KLHL8: variants seen among roughly 807,000 people sequenced by gnomAD.
The protein encoded by KLHL8 is kelch like family member 8, also known as kelch-like protein 8.
In KLHL8, 38 loss-of-function variants were observed where a neutral mutation model predicts 63.5. That is an observed-to-expected ratio of 0.60 (90% CI 0.46 to 0.78). KLHL8 has a LOEUF of 0.78. KLHL8 is among the 30% of genes least tolerant of loss of function. The probability of loss-of-function intolerance (pLI) is 0.00; values close to 1 mark genes in which losing one functional copy is unlikely to be tolerated. For missense variants in KLHL8, 566 were observed against 752.4 expected (o/e 0.75, Z 2.90); for synonymous variants, 224 against 254.3 (o/e 0.88, Z 1.13).
intron 1 of KLHL8, among the ~76,000 whole-genome samples, chr4:87,232,901 T>C (rs1177969959): frequency 6.6e-6 from 1 of 151,888 alleles, no homozygotes; most frequent in Non-Finnish European, 1.5e-5. Flanking sequence ...TTCCAATTAG[T>C]TTTTTTTAGG....
At chr4:87,226,617 A>AAGT (rs1732982429) in intron 1 of KLHL8, among the ~76,000 whole-genome samples, 3 of 50,608 alleles carry the variant, frequency 5.9e-5, no homozygotes, top group African/African-American at 3.2e-4. Context: ...TTATTTATAT[A>AAGT]AATAATATAT....
chr4:87,174,485 G>T (rs1207014222), intron 6 of KLHL8, among the ~76,000 whole-genome samples: 3 of 151,992 alleles, frequency 2.0e-5, no homozygotes, highest in Non-Finnish European at 4.4e-5. Context: ...TGCCATGTTG[G>T]CCAGGCTGGT....
chr4:87,161,997 T>C lies in KLHL8; in HGVS notation c.*1522A>G, dbSNP rs2149822081. 6.6e-6 allele frequency: 1 copy of C among 152,322 alleles called. No individual in the cohort carries two copies. The highest frequency in any genetic ancestry group is 1.5e-5 in the Non-Finnish European group (1 of 68,040). The allele number at this position is 152,322 out of a possible 1,614,324, so 9.4% of individuals were successfully genotyped here. On this transcript the variant is annotated 3_prime_UTR_variant, in exon 10 of 10. Coordinates refer to ENST00000273963, the MANE Select transcript of KLHL8 (RefSeq NM_020803.5). ...TTGTGATGTGGCTTTTTTTGTGATG[T>C]GGCTTTCCACACTATTGTAGAAGTC...
chr4:87,229,784 G>T (rs1733103398), intron 1 of KLHL8, among the ~76,000 whole-genome samples: 1 of 149,262 alleles, frequency 6.7e-6, no homozygotes, highest in Non-Finnish European at 1.5e-5. Flanking sequence ...AGGCTGGAGT[G>T]CAGTGGCACA....
At chr4:87,222,893 T>A (rs1732910364), upstream of KLHL8, among the ~76,000 whole-genome samples, 1 of 152,074 alleles carries the variant, frequency 6.6e-6, no homozygotes, top group African/African-American at 2.4e-5. Context: ...CTACAATATG[T>A]ATTTAGTAAG....
Position 87,170,235 on chromosome 4 carries a change from G to A in KLHL8, c.1381C>T (p.His461Tyr). 6.2e-7 allele frequency: 1 copy of A among 1,605,766 alleles called. No homozygotes were observed. The highest frequency in any genetic ancestry group is 8.5e-7 in the Non-Finnish European group (1 of 1,176,992). Residue 461 changes from histidine to tyrosine, a missense_variant, in exon 8 of 10, where the codon CAT becomes TAT. By Grantham distance (83) the His-to-Tyr change is moderately conservative (BLOSUM62 2). Coordinates refer to ENST00000273963, the MANE Select transcript of KLHL8 (RefSeq NM_020803.5). ...GGVGSVALVN[H>Y]VYAVGGNDGM... The stretch of plus-strand genomic sequence containing the variant: ...TCATTGCCACCTACTGCATAAACAT[G>A]GTTCTAAATGAAGAGAGTCAAACAA...
In KLHL8 at chr4:87,195,669, G is replaced by T; in HGVS notation, c.-130C>A. 1.5e-6 allele frequency: 1 copy of T among 686,246 alleles called. No individual in the cohort carries two copies. Among genetic ancestry groups the T allele is most frequent in the Non-Finnish European group, 2.5e-6 (1 of 404,710 alleles). The allele number at this position is 686,246 out of a possible 1,614,324, so 42.5% of individuals were successfully genotyped here. A position where few individuals can be genotyped will look rare whatever the true frequency, so the allele number is the denominator to read the frequency against. ...GACGTTTTTCAAAACCCACTCAACT[G>T]CCATTGTACAGTTTGCTGTGACTGA... On this transcript the variant is annotated 5_prime_UTR_variant, in exon 2 of 10. Transcript: ENST00000273963.
intron 1 of KLHL8, among the ~76,000 whole-genome samples, chr4:87,236,023 T>C (rs1282089041): frequency 6.6e-6 from 1 of 152,106 alleles, no homozygotes; most frequent in African/African-American, 2.4e-5. Context: ...TGCCTCCAAG[T>C]TGGTAGAAAT....
At chr4:87,230,760 ATCT>A (rs1242834702) in intron 1 of KLHL8, among the ~76,000 whole-genome samples, 1 of 152,134 alleles carries the variant, frequency 6.6e-6, no homozygotes, top group Admixed American at 6.5e-5. Context: ...CAGAATTGTA[ATCT>A]TCTCAATTCC....
chr4:87,171,783 TGC>T (rs2149831599), intron 6 of KLHL8, among the ~76,000 whole-genome samples: 1 of 152,340 alleles, frequency 6.6e-6, no homozygotes, highest in South Asian at 2.1e-4. Context: ...GCTTCATCAG[TGC>T]CTTCTTTACT....
At position 87,185,467 on chromosome 4, in the gene KLHL8, G is replaced by C. The variant is rs1731217116; in HGVS notation, c.549C>G (p.Asp183Glu). ...RAFAESHNRI[D>E]LMDMADQYAC... ...CATACTGATCCGCCATGTCCATTAA[G>C]TCTATTCGATTGTGACTTTCTGCAA... Residue 183 changes from aspartate (D) to glutamate (E), a missense_variant, in exon 3 of 10, where the codon GAC (aspartate) becomes GAG (glutamate). Coordinates refer to ENST00000273963, the MANE Select transcript of KLHL8 (RefSeq NM_020803.5). 1.9e-6 allele frequency: 3 copies of C among 1,614,196 alleles called. No homozygotes were observed. Among genetic ancestry groups the C allele is most frequent in the African/African-American group, 1.3e-5 (1 of 75,054 alleles).
intron 4 of KLHL8, among the ~76,000 whole-genome samples, chr4:87,182,217 A>G (rs1269601365): frequency 1.4e-5 from 2 of 138,976 alleles, no homozygotes; most frequent in African/African-American, 5.4e-5. Flanking sequence ...TGGGCGACAG[A>G]GACTCCGTCT....
chr4:87,185,311 G>A lies in KLHL8; in HGVS notation c.705C>T (p.Ile235=). The part of the protein sequence containing the change: ...ENEKQVYNAA[I]KWLLANPQHH... ...GCTGAGGATTGGCAAGAAGCCACTT[G>A]ATGGCAGCATTATAGACCTGCTTTT... Residue 235 remains isoleucine, a synonymous_variant, in exon 3 of 10, where the codon ATC becomes ATT. Coordinates refer to ENST00000273963, the MANE Select transcript of KLHL8 (RefSeq NM_020803.5). 1 of 1,614,142 alleles carries A rather than the reference G, an allele frequency of 6.2e-7. No homozygotes were observed. Among genetic ancestry groups the A allele is most frequent in the South Asian group, 1.1e-5 (1 of 91,080 alleles).
rs571826106 is a variant in KLHL8 at position 87,164,560 on chromosome 4, C to T, written c.1538-481G>A. 5.3e-5 allele frequency among the ~76,000 whole-genome samples: 8 copies of T among 152,296 alleles called. No individual in the cohort carries two copies. In the East Asian group the frequency reaches 7.7e-4, roughly 15 times the overall value. ...CAATTGTTTCCCTTAATACTATAAT[C>T]GCCATCATAATTACAGAAATGGTGG... On this transcript the variant is annotated intron_variant, in intron 8 of 9. Transcript: ENST00000273963.
At chr4:87,170,376 T>C (rs1730590331) in intron 7 of KLHL8, 71 bp downstream of exon 7, 1 of 1,485,442 alleles carries the variant, frequency 6.7e-7, no homozygotes, top group Non-Finnish European at 9.1e-7. Flanking sequence ...TGATGATATA[T>C]TGGACCTTTC....
chr4:87,172,415 C>T (rs1730670693), intron 6 of KLHL8, among the ~76,000 whole-genome samples: 2 of 152,144 alleles, frequency 1.3e-5, no homozygotes, highest in Non-Finnish European at 2.9e-5. Flanking sequence ...CCTAGCAAAA[C>T]CTGCATGACT....
chr4:87,229,545 C>A (rs1055548051), intron 1 of KLHL8, among the ~76,000 whole-genome samples: 1 of 151,640 alleles, frequency 6.6e-6, no homozygotes, highest in East Asian at 1.9e-4. Flanking sequence ...CATTCTCCTA[C>A]CTCAGCCTCC....
rs1016733798 is a variant in KLHL8 at position 87,185,782 on chromosome 4, G to T, written c.234C>A (p.Ile78=). 3.1e-6 allele frequency: 5 copies of T among 1,606,974 alleles called. No homozygotes were observed. The African/African-American group carries it at 6.7e-5, about 22-fold the overall frequency. The change falls in exon 3 of 10, where the codon ATC becomes ATA. Residue 78 remains isoleucine, a synonymous_variant. Coordinates refer to ENST00000273963, the MANE Select transcript of KLHL8 (RefSeq NM_020803.5). ...DVTLKVGSKL[I]SCHKLVLACV... is the part of the protein sequence containing the mutation. ...AAGCCAATACCAGCTTGTGACAAGA[G>T]ATTAGCTTTGAGCCAACCTGTTCAA...
At chr4:87,194,591 T>G (rs1444069309) in intron 2 of KLHL8, among the ~76,000 whole-genome samples, 1 of 152,220 alleles carries the variant, frequency 6.6e-6, no homozygotes, top group Non-Finnish European at 1.5e-5. Flanking sequence ...GGAGGACTGC[T>G]TAAGCCCAAG....
Sources: allele counts gnomAD v4.1 joint callset (sites outside exome capture counted in the v4.1 genomes callset), GRCh38; gene constraint gnomAD v4.1.1; transcripts MANE v1.5; gene names NCBI Gene and HGNC (gene_info 2026-07-23, HGNC 2026-07-21).